Variants in PLXNB3 observed in about 807,000 individuals in gnomAD.
The protein encoded by PLXNB3 is plexin-B3.
PLXNB3 carries 80 observed loss-of-function variants against 125.7 expected under a neutral mutation model. The ratio of observed to expected loss-of-function variants is 0.64; its 90% confidence interval spans 0.53 to 0.77. The LOEUF (loss-of-function observed/expected upper bound fraction) is 0.77. PLXNB3 is among the 30% of genes least tolerant of loss of function. The pLI, the probability that PLXNB3 is intolerant of heterozygous loss-of-function variation, is 0.00. For missense variants in PLXNB3, 1,836 were observed against 1,729.3 expected, an observed-to-expected ratio of 1.06 and a Z score of -1.09; for synonymous variants, 954 against 783.3, an observed-to-expected ratio of 1.22 and a Z score of -3.64.
In PLXNB3 at chrX:153,773,234, G is replaced by A. The variant is rs782776023; in HGVS notation, c.2911G>A (p.Glu971Lys). 2.5e-6 allele frequency: 3 copies of A among 1,202,922 alleles called. No individual in the cohort carries two copies. Among genetic ancestry groups the A allele is most frequent in the African/African-American group, 1.7e-5 (1 of 57,321 alleles). Residue 971 changes from glutamate (E) to lysine (K), a missense_variant, in exon 18 of 36, where the codon GAG (glutamate) becomes AAG (lysine). Glu to Lys is a moderately conservative substitution (Grantham distance 56). Coordinates refer to ENST00000361971, the MANE Select transcript of PLXNB3 (RefSeq NM_005393.3). Reference protein sequence around the residue: ...FVGGQPCPILEPVCPEAIVCR... With the variant: ...FVGGQPCPILKPVCPEAIVCR... ...ACCCCACTACCCATCCTGCAGCCTG[G>A]AGCCAGTGTGTCCGGAGGCCATCGT...
At position 153,770,655 on chromosome X, in the gene PLXNB3, G is replaced by T; in HGVS notation, c.2010+13G>T. On this transcript the variant is annotated intron_variant, in intron 10 of 35. Coordinates refer to ENST00000361971, the MANE Select transcript of PLXNB3 (RefSeq NM_005393.3). ...CAGCGCCCAGGAGGTGGGTGGGCCCGAACTTCGGGCAGAGACAGGGCTGTC... is the reference window on the plus strand; with the variant it reads ...CAGCGCCCAGGAGGTGGGTGGGCCCTAACTTCGGGCAGAGACAGGGCTGTC... The T allele has an allele frequency of 5.8e-6, 7 of 1,208,571 alleles. No individual in the cohort carries two copies. Among genetic ancestry groups the T allele is most frequent in the Non-Finnish European group, 7.8e-6 (7 of 893,421 alleles).
rs1199964419 is a variant in PLXNB3 at position 153,776,114 on chromosome X, C to T, written c.4629C>T (p.Leu1543=). Residue 1543 remains leucine (L), a synonymous_variant, in exon 27 of 36, where the codon CTC becomes CTT. Coordinates refer to ENST00000361971, the MANE Select transcript of PLXNB3 (RefSeq NM_005393.3). ...TGCAGCGCGTGCCAGCCCGGGTGCT[C>T]GACACGGACACCATCACCCAGGTCA... The part of the protein sequence containing the change: ...SEMQRVPARV[L]DTDTITQVKE... The T allele has an allele frequency of 6.7e-6, 8 of 1,201,424 alleles. No individual in the cohort carries two copies. The highest frequency in any genetic ancestry group is 1.8e-5 in the African/African-American group (1 of 56,818).
rs377667358 is a variant in PLXNB3 at position 153,770,657 on chromosome X, A to T, written c.2010+15A>T. ...GCGCCCAGGAGGTGGGTGGGCCCGAACTTCGGGCAGAGACAGGGCTGTCCC... is the reference window on the plus strand; with the variant it reads ...GCGCCCAGGAGGTGGGTGGGCCCGATCTTCGGGCAGAGACAGGGCTGTCCC... On this transcript the variant is annotated intron_variant, in intron 10 of 35. Coordinates refer to ENST00000361971, the MANE Select transcript of PLXNB3 (RefSeq NM_005393.3). 8.3e-6 allele frequency: 10 copies of T among 1,207,899 alleles called. No individual in the cohort carries two copies. The highest frequency in any genetic ancestry group is 1.8e-5 in the South Asian group (1 of 56,717).
Position 153,772,263 on chromosome X carries a change from C to A in PLXNB3, c.2751C>A (p.Ile917=). Reference sequence around the variant, plus strand: ...CCATTAAGAGCCAGCCACCAGGCATCTCAAGCCAGCACTTCACCTACCAGG... The same window carrying A: ...CCATTAAGAGCCAGCCACCAGGCATATCAAGCCAGCACTTCACCTACCAGG... ...RVAIKSQPPG[I]SSQHFTYQDP... The change falls in exon 16 of 36, where the codon ATC becomes ATA. Residue 917 remains isoleucine (I), a synonymous_variant. Transcript: ENST00000361971. 1 of 1,206,670 alleles carries A rather than the reference C, an allele frequency of 8.3e-7. No individual in the cohort carries two copies. Among genetic ancestry groups the A allele is most frequent in the East Asian group, 3.0e-5 (1 of 33,837 alleles).
chrX:153,777,018 C>A, intron 29 of PLXNB3, 38 bp downstream of exon 29: 1 of 1,035,425 alleles, frequency 9.7e-7, no homozygotes, highest in Non-Finnish European at 1.3e-6. Context: ...CACTGGAGTC[C>A]AGGCTGGGCA....
At chrX:153,776,310 C>A in intron 27 of PLXNB3, 46 bp from the exon 28 acceptor site, 1 of 1,066,591 alleles carries the variant, frequency 9.4e-7, no homozygotes, top group Non-Finnish European at 1.3e-6. Flanking sequence ...GAGTGTGGGG[C>A]GTGGAGAGCA....
Position 153,777,243 on chromosome X carries a change from G to T in PLXNB3, c.4963G>T (p.Val1655Leu). The change falls in exon 30 of 36, where the codon GTG becomes TTG. Residue 1655 changes from valine (V) to leucine (L), a missense_variant. By Grantham distance (32) the Val-to-Leu change is conservative. Coordinates refer to ENST00000361971, the MANE Select transcript of PLXNB3 (RefSeq NM_005393.3). ...GCTGGAGGATGGCGAGGAGGGGGGG[G>T]TGTGCCTCTGGCACCTGGTGAAAGC... ...PTLEDGEEGG[V>L]CLWHLVKATE... 8.5e-7 allele frequency: 1 copy of T among 1,179,207 alleles called. No individual in the cohort carries two copies. Among genetic ancestry groups the T allele is most frequent in the Non-Finnish European group, 1.1e-6 (1 of 877,812 alleles).
At chrX:153,768,217 C>A in intron 3 of PLXNB3, 32 bp from the exon 4 acceptor site, 1 of 1,161,394 alleles carries the variant, frequency 8.6e-7, no homozygotes, top group Non-Finnish European at 1.2e-6. Flanking sequence ...TGCTCTCTTC[C>A]GGGGGCTGAT....
chrX:153,773,378 G>T lies in PLXNB3; in HGVS notation c.3055G>T (p.Ala1019Ser). 8.3e-7 allele frequency: 1 copy of T among 1,205,722 alleles called. No homozygotes were observed. The highest frequency in any genetic ancestry group is 1.7e-5 in the African/African-American group (1 of 57,864). ...CTACACCGCCAACCCCCAGCTTGTAGCGGCGGAGCCCAGTGCCAGCTTCCG... is the reference window on the plus strand; with the variant it reads ...CTACACCGCCAACCCCCAGCTTGTATCGGCGGAGCCCAGTGCCAGCTTCCG... ...FRYTANPQLVAAEPSASFRGG... is the reference protein window; with the variant it reads ...FRYTANPQLVSAEPSASFRGG... Residue 1019 changes from alanine (A) to serine (S), a missense_variant, in exon 18 of 36, where the codon GCG (alanine) becomes TCG (serine). Coordinates refer to ENST00000361971, the MANE Select transcript of PLXNB3 (RefSeq NM_005393.3).
chrX:153,766,728 G>A (rs1046489558), intron 2 of PLXNB3, 145 bp from the exon 3 acceptor site: 54 of 1,037,662 alleles, frequency 5.2e-5, no homozygotes, highest in Non-Finnish European at 5.7e-5. Context: ...CCTTGTCTCC[G>A]CTCACTCTCT....
intron 32 of PLXNB3, 68 bp downstream of exon 32, chrX:153,778,163 G>A (rs1557065167): frequency 1.7e-6 from 2 of 1,198,239 alleles, no homozygotes; most frequent in South Asian, 1.8e-5. Flanking sequence ...GGGAAGCCTA[G>A]AGGGCTGTGC....
chrX:153,772,873 C>A lies in PLXNB3; in HGVS notation c.2776-13C>A. The A allele has an allele frequency of 1.8e-6, 2 of 1,112,178 alleles. No individual in the cohort carries two copies. Among genetic ancestry groups the A allele is most frequent in the Middle Eastern group, 2.5e-4 (1 of 3,987 alleles). 91.7% of individuals were successfully genotyped at this position (1,112,178 alleles called of 1,213,427 possible). A position where few individuals can be genotyped will look rare whatever the true frequency, so the allele number is the denominator to read the frequency against. On this transcript the variant is annotated splice_polypyrimidine_tract_variant and intron_variant, in intron 16 of 35. Coordinates refer to ENST00000361971, the MANE Select transcript of PLXNB3 (RefSeq NM_005393.3). ...TGGGCTGCCGTGCCTACCCAGCCTG[C>A]GCTGTTCGCCAGGACCCTGTCCTGC... is the stretch of plus-strand genomic sequence containing the variant.
In PLXNB3 at chrX:153,767,319, G is replaced by C; in HGVS notation, c.492G>C (p.Val164=). 1.7e-6 allele frequency: 2 copies of C among 1,205,650 alleles called. No individual in the cohort carries two copies. The highest frequency in any genetic ancestry group is 2.2e-6 in the Non-Finnish European group (2 of 892,698). ...QAEDPGDGQF[V]AANTPGVATV... Reference sequence around the variant, plus strand: ...AGGACCCTGGTGACGGGCAGTTTGTGGCTGCCAATACCCCGGGAGTGGCAA... The same window carrying C: ...AGGACCCTGGTGACGGGCAGTTTGTCGCTGCCAATACCCCGGGAGTGGCAA... Residue 164 remains valine, a synonymous_variant, in exon 3 of 36, where the codon GTG becomes GTC. Transcript: ENST00000361971.
intron 26 of PLXNB3, 49 bp downstream of exon 26, chrX:153,775,709 C>T (rs2091978272): frequency 8.7e-7 from 1 of 1,151,228 alleles, no homozygotes; most frequent in Non-Finnish European, 1.2e-6. Flanking sequence ...GCAGACTCCT[C>T]CCCTCTTGCC....
At position 153,770,203 on chromosome X, in the gene PLXNB3, G is replaced by A. The variant is rs1228530572; in HGVS notation, c.1741G>A (p.Val581Ile). The A allele has an allele frequency of 3.3e-6, 4 of 1,209,986 alleles. No individual in the cohort carries two copies. Among genetic ancestry groups the A allele is most frequent in the Non-Finnish European group, 4.5e-6 (4 of 895,352 alleles). The change falls in exon 8 of 36, where the codon GTC (valine) becomes ATC (isoleucine). Residue 581 changes from valine (V) to isoleucine (I), a missense_variant. Physicochemically the swap from Val to Ile is conservative, Grantham distance 29 (BLOSUM62 3). Coordinates refer to ENST00000361971, the MANE Select transcript of PLXNB3 (RefSeq NM_005393.3). ...AHVEGPHVAC[V>I]TPPQDQVPLN... ...TGTGGAAGGGCCCCACGTGGCCTGTGTCACCCCTCCCCAAGACCAGGTGCC... is the reference window on the plus strand; with the variant it reads ...TGTGGAAGGGCCCCACGTGGCCTGTATCACCCCTCCCCAAGACCAGGTGCC...
rs1557064013 is a variant in PLXNB3, at chrX:153,776,068, G to A, written c.4583G>A (p.Gly1528Glu). The A allele has an allele frequency of 8.4e-7, 1 of 1,196,033 alleles. No homozygotes were observed. The highest frequency in any genetic ancestry group is 3.1e-5 in the East Asian group (1 of 32,731). ...LMVLVGPGAG[G>E]AAGSSEMQRV... The stretch of plus-strand genomic sequence containing the variant: ...GTGCTGGTGGGGCCCGGGGCTGGCG[G>A]GGCCGCAGGCAGCAGCGAGATGCAG... Residue 1528 changes from glycine (G) to glutamate (E), a missense_variant, in exon 27 of 36, where the codon GGG becomes GAG. Physicochemically the swap from Gly to Glu is moderately conservative, Grantham distance 98. Transcript: ENST00000361971.
chrX:153,773,205 AGAGACCCCACTACC>A lies in PLXNB3; in HGVS notation c.2907-24_2907-11del. 1 of 1,177,726 alleles carries A rather than the reference AGAGACCCCACTACC, an allele frequency of 8.5e-7. No homozygotes were observed. Among genetic ancestry groups the A allele is most frequent in the Non-Finnish European group, 1.1e-6 (1 of 874,141 alleles). ...GTAGAGGGGTGGTAGAGCCGAGATGAGAGACCCCACTACCCATCCTGCAGCCTGGAGCCAGTGTG... is the reference window on the plus strand; with the variant it reads ...GTAGAGGGGTGGTAGAGCCGAGATGACATCCTGCAGCCTGGAGCCAGTGTG... On this transcript the variant is annotated splice_polypyrimidine_tract_variant and intron_variant, in intron 17 of 35. Coordinates refer to ENST00000361971, the MANE Select transcript of PLXNB3 (RefSeq NM_005393.3).
At position 153,774,048 on chromosome X, in the gene PLXNB3, G is replaced by C; in HGVS notation, c.3469G>C (p.Gly1157Arg). 8.4e-7 allele frequency: 1 copy of C among 1,191,675 alleles called. No individual in the cohort carries two copies. Among genetic ancestry groups the C allele is most frequent in the Non-Finnish European group, 1.1e-6 (1 of 885,453 alleles). Reference protein sequence around the residue: ...NPRLAPLSREGPARPYRLKPG... With the variant: ...NPRLAPLSRERPARPYRLKPG... ...CCGCCTGGCACCCCTCAGCCGCGAG[G>C]GGCCTGCCCGCCCCTACCGCCTCAA... Residue 1157 changes from glycine to arginine, a missense_variant, in exon 20 of 36, where the codon GGG (glycine) becomes CGG (arginine). By Grantham distance (125) the Gly-to-Arg change is moderately radical (BLOSUM62 -2). Coordinates refer to ENST00000361971, the MANE Select transcript of PLXNB3 (RefSeq NM_005393.3).
Position 153,775,113 on chromosome X carries a change from G to A in PLXNB3, c.4155+10G>A, listed in dbSNP as rs782432740. ...GCTCTTCCTCCTCACGGTGAGGGCC[G>A]TGTGGCGGGAGTGCCCAGTGGGCAA... On this transcript the variant is annotated intron_variant, in intron 24 of 35. Transcript: ENST00000361971. 1.2e-5 allele frequency: 14 copies of A among 1,185,496 alleles called. No homozygotes were observed. The highest frequency in any genetic ancestry group is 3.8e-5 in the South Asian group (2 of 52,893).
Sources: allele counts gnomAD v4.1 joint callset, GRCh38; gene constraint gnomAD v4.1.1; transcripts MANE v1.5; gene names NCBI Gene and HGNC (gene_info 2026-07-23, HGNC 2026-07-21).